Variants in PTPRT observed in about 807,000 individuals in gnomAD.
The protein encoded by PTPRT is protein tyrosine phosphatase receptor type T.
PTPRT carries 56 observed loss-of-function variants against 176.8 expected under a neutral mutation model. The ratio of observed to expected loss-of-function variants is 0.32; its 90% confidence interval spans 0.26 to 0.40. The LOEUF is 0.40. PTPRT is among the 10% of genes least tolerant of loss of function. PTPRT has a pLI of 1.00. For synonymous variants in PTPRT, 783 were observed against 739.0 expected, an observed-to-expected ratio of 1.06 and a Z score of -0.96; for missense variants, 1,540 against 1,908.2, an observed-to-expected ratio of 0.81 and a Z score of 3.60.
At chr20:43,151,032 T>A (rs2014332721) in intron 1 of PTPRT, among the ~76,000 whole-genome samples, 1 of 151,828 alleles carries the variant, frequency 6.6e-6, no homozygotes, top group Non-Finnish European at 1.5e-5. Context: ...ACTGGTCGGG[T>A]GTGGTGGCTC....
intron 12 of PTPRT, among the ~76,000 whole-genome samples, chr20:42,310,311 A>G (rs551174712): frequency 8.5e-5 from 13 of 152,290 alleles, no homozygotes; most frequent in South Asian, 2.1e-4. Context: ...CCCAGAAATT[A>G]TGCCATGTGA....
At chr20:42,432,125 G>A (rs934442715) in intron 9 of PTPRT, among the ~76,000 whole-genome samples, 2 of 152,182 alleles carry the variant, frequency 1.3e-5, no homozygotes, top group Non-Finnish European at 2.9e-5. Context: ...TGAGAGAAGG[G>A]AGACGCCCAA....
chr20:42,311,934 T>C (rs2057638080), intron 12 of PTPRT, among the ~76,000 whole-genome samples: 2 of 152,196 alleles, frequency 1.3e-5, no homozygotes, highest in Non-Finnish European at 2.9e-5. Context: ...CATGAGAAAA[T>C]GAGCAGATTT....
At chr20:42,938,084 T>A (rs1230339795) in intron 1 of PTPRT, among the ~76,000 whole-genome samples, 1 of 152,196 alleles carries the variant, frequency 6.6e-6, no homozygotes, top group Non-Finnish European at 1.5e-5. Flanking sequence ...CATTAATTAA[T>A]GAAGATTAGA....
intron 1 of PTPRT, among the ~76,000 whole-genome samples, chr20:43,047,857 T>C (rs1219517594): frequency 6.6e-6 from 1 of 152,156 alleles, no homozygotes; most frequent in African/African-American, 2.4e-5. Flanking sequence ...GAACAGAGGC[T>C]GAGAAAAGTT....
At chr20:43,088,199 C>A (rs1437425652) in intron 1 of PTPRT, among the ~76,000 whole-genome samples, 1 of 152,166 alleles carries the variant, frequency 6.6e-6, no homozygotes, top group East Asian at 1.9e-4. Context: ...TTCAACTTGA[C>A]TGAACTGCAA....
At chr20:42,955,244 G>C (rs1426050126) in intron 1 of PTPRT, among the ~76,000 whole-genome samples, 2 of 152,190 alleles carry the variant, frequency 1.3e-5, no homozygotes, top group African/African-American at 4.8e-5. Context: ...GCGAGGCACA[G>C]ATACATTAAA....
intron 7 of PTPRT, among the ~76,000 whole-genome samples, chr20:42,608,226 G>A (rs745308298): frequency 2.6e-5 from 4 of 152,080 alleles, no homozygotes; most frequent in Non-Finnish European, 5.9e-5. Flanking sequence ...CATGCATCAT[G>A]GGCAGCCACA....
Position 42,141,895 on chromosome 20 carries a change from G to A in PTPRT, c.2770+20C>T. On this transcript the variant is annotated intron_variant, in intron 18 of 30. Transcript: ENST00000373187. ...CATCCTCAACACCTGAAGCTTAGGA[G>A]CTCCCAGAAGGGCACCTACAGGATA... 6.2e-7 allele frequency: 1 copy of A among 1,601,306 alleles called. No homozygotes were observed. Among genetic ancestry groups the A allele is most frequent in the Non-Finnish European group, 8.6e-7 (1 of 1,168,328 alleles).
chr20:42,913,218 G>A (rs1199800615), intron 1 of PTPRT, among the ~76,000 whole-genome samples: 1 of 152,084 alleles, frequency 6.6e-6, no homozygotes, highest in Admixed American at 6.6e-5. Flanking sequence ...CCACAGACTG[G>A]GTGGCTTAAA....
intron 7 of PTPRT, among the ~76,000 whole-genome samples, chr20:42,619,516 G>C (rs2074147694): frequency 6.2e-5 from 8 of 129,870 alleles, no homozygotes; most frequent in Non-Finnish European, 1.1e-4. Flanking sequence ...AGTTCTCCTG[G>C]ATAATATCCT....
chr20:42,398,583 G>A (rs1025336871), intron 9 of PTPRT, among the ~76,000 whole-genome samples: 8 of 152,148 alleles, frequency 5.3e-5, no homozygotes, highest in African/African-American at 1.9e-4. Context: ...AATTCAAATG[G>A]CGCATCGACA....
the PTPRT span, among the ~76,000 whole-genome samples, chr20:42,033,948 C>T: frequency 6.6e-6 from 1 of 152,092 alleles, no homozygotes. Flanking sequence ...GTCCCAGAGC[C>T]CTGTCAGTAC....
At chr20:42,852,169 C>G (rs1311954423) in intron 2 of PTPRT, among the ~76,000 whole-genome samples, 1 of 152,138 alleles carries the variant, frequency 6.6e-6, no homozygotes, top group African/African-American at 2.4e-5. Context: ...CATCTTCTAT[C>G]CAAACTTTAC....
intron 1 of PTPRT, among the ~76,000 whole-genome samples, chr20:43,075,449 T>C (rs1411660851): frequency 1.3e-5 from 2 of 152,254 alleles, no homozygotes; most frequent in East Asian, 1.9e-4. Context: ...TGATTCATTA[T>C]GCAGCCAGGC....
chr20:42,645,408 T>G (rs894841156), intron 7 of PTPRT, among the ~76,000 whole-genome samples: 1 of 152,174 alleles, frequency 6.6e-6, no homozygotes, highest in African/African-American at 2.4e-5. Flanking sequence ...CCAGTGGGGA[T>G]GAACCACAGT....
intron 9 of PTPRT, among the ~76,000 whole-genome samples, chr20:42,389,745 C>T (rs781080664): frequency 1.6e-4 from 25 of 151,620 alleles, no homozygotes; most frequent in Non-Finnish European, 2.8e-4. Flanking sequence ...GTCCCAGCTA[C>T]TCCAGAGGTT....
intron 13 of PTPRT, among the ~76,000 whole-genome samples, chr20:42,269,159 C>T (rs542232599): frequency 3.9e-5 from 6 of 152,358 alleles, no homozygotes; most frequent in Non-Finnish European, 7.3e-5. Context: ...CATATCTCAT[C>T]TTCCTCCCTT....
intron 27 of PTPRT, among the ~76,000 whole-genome samples, chr20:42,093,665 G>A (rs893801414): frequency 2.0e-5 from 3 of 152,298 alleles, no homozygotes; most frequent in South Asian, 4.1e-4. Flanking sequence ...AGATGGCATC[G>A]GTCCTCTCAG....
Sources: gnomAD v4.1 joint callset for allele counts (sites outside exome capture counted in the v4.1 genomes callset) on GRCh38, gnomAD v4.1.1 for gene constraint, MANE v1.5 for transcripts, NCBI Gene and HGNC (gene_info 2026-07-23, HGNC 2026-07-21) for gene names.